PRAG1: variants seen among roughly 807,000 people sequenced by gnomAD.
PRAG1 encodes the protein inactive tyrosine-protein kinase PRAG1.
In PRAG1, 110 loss-of-function variants were observed where a neutral mutation model predicts 95.6. The ratio of observed to expected loss-of-function variants is 1.15; its 90% CI spans 0.99 to 1.35. The LOEUF (loss-of-function observed/expected upper bound fraction) is 1.35. PRAG1 is among the 40% of genes most tolerant of loss of function. The pLI, the probability that PRAG1 is intolerant of heterozygous loss-of-function variation, is 0.00. For missense variants in PRAG1, 2,554 were observed against 1,864.7 expected, an observed-to-expected ratio of 1.37 and a Z score of -6.81; for synonymous variants, 1,052 against 819.4, an observed-to-expected ratio of 1.28 and a Z score of -4.85.
Position 8,318,774 on chromosome 8 carries a change from G to C in PRAG1, c.3601C>G (p.Pro1201Ala), listed in dbSNP as rs1585211243. Reference sequence around the variant, plus strand: ...AGCTGCTTCTCCCGGGGCCCTTCCGGGGAGGCGGGGCCGGCTGCGGGGCTG... The same window carrying C: ...AGCTGCTTCTCCCGGGGCCCTTCCGCGGAGGCGGGGCCGGCTGCGGGGCTG... The part of the protein sequence containing the change: ...TLSPAAGPAS[P>A]EGPREKQLPR... The change falls in exon 6 of 6, where the codon CCG becomes GCG. Residue 1201 changes from proline to alanine, a missense_variant. Transcript: ENST00000615670. This position sits in a 1 kb window ranked among gnomAD's most constrained non-coding sequence, Gnocchi z 4.2. 1.9e-6 allele frequency: 3 copies of C among 1,559,706 alleles called. No homozygotes were observed. The highest frequency in any genetic ancestry group is 2.6e-6 in the Non-Finnish European group (3 of 1,152,266).
At chr8:8,346,498 G>C (rs945991713) in intron 3 of PRAG1, among the ~76,000 whole-genome samples, 1 of 152,198 alleles carries the variant, frequency 6.6e-6, no homozygotes, top group Non-Finnish European at 1.5e-5. Flanking sequence ...TTTGAGAATA[G>C]CTTTTCCCTC....
At chr8:8,378,103 G>C (rs1167435976) in intron 2 of PRAG1, 25 bp from the exon 3 acceptor site, 31 of 1,512,128 alleles carry the variant, frequency 2.1e-5, no homozygotes, top group Non-Finnish European at 2.7e-5. Flanking sequence ...AACGCAAAAA[G>C]ACTTATATTA....
chr8:8,382,075 A>G (rs1369007525), intron 1 of PRAG1, among the ~76,000 whole-genome samples: 1 of 151,846 alleles, frequency 6.6e-6, no homozygotes, highest in Non-Finnish European at 1.5e-5. Flanking sequence ...GGAGTAAATA[A>G]AAGACATTTC....
chr8:8,361,511 G>A (rs191029902), intron 3 of PRAG1, among the ~76,000 whole-genome samples: 1 of 152,126 alleles, frequency 6.6e-6, no homozygotes, highest in African/African-American at 2.4e-5. Flanking sequence ...ATCAGATGAG[G>A]CAATCTCTGA....
intron 3 of PRAG1, among the ~76,000 whole-genome samples, chr8:8,367,061 C>G (rs758144751): frequency 5.3e-5 from 8 of 152,094 alleles, no homozygotes; most frequent in Non-Finnish European, 1.2e-4. Flanking sequence ...CCCCCACCTC[C>G]CTACAACCTG....
intron 1 of PRAG1, among the ~76,000 whole-genome samples, chr8:8,384,269 C>A (rs924558109): frequency 2.0e-5 from 3 of 151,984 alleles, no homozygotes; most frequent in African/African-American, 7.3e-5. Context: ...GTATCAGAGG[C>A]CCTACTTTCT....
chr8:8,373,736 AG>A (rs1800290236), intron 3 of PRAG1, among the ~76,000 whole-genome samples: 1 of 152,216 alleles, frequency 6.6e-6, no homozygotes, highest in Admixed American at 6.5e-5. Context: ...TACAGGCATG[AG>A]CCACTAAGTC....
At chr8:8,379,113 A>G (rs980707504) in intron 2 of PRAG1, among the ~76,000 whole-genome samples, 7 of 147,518 alleles carry the variant, frequency 4.7e-5, no homozygotes, top group Non-Finnish European at 1.0e-4. Flanking sequence ...ACTGGATCAG[A>G]GTGAGGGGTG....
chr8:8,344,375 G>T (rs565804146), intron 3 of PRAG1, among the ~76,000 whole-genome samples: 10 of 152,098 alleles, frequency 6.6e-5, no homozygotes, highest in Non-Finnish European at 1.3e-4. Flanking sequence ...TTTACAAAAG[G>T]CTCAAGTAAA....
At chr8:8,384,608 C>CAAAAAAAA (rs11400182) in intron 1 of PRAG1, among the ~76,000 whole-genome samples, 1 of 92,464 alleles carries the variant, frequency 1.1e-5, no homozygotes, top group African/African-American at 4.3e-5. Context: ...CGCATGCAGC[C>CAAAAAAAA]AAAAAAAAAA....
intron 4 of PRAG1, 75 bp from the exon 5 acceptor site, chr8:8,328,536 CTTTAT>C (rs747000586): frequency 0.14 from 210,162 of 1,451,948 alleles, 17,168 homozygotes; most frequent in East Asian, 0.31. Flanking sequence ...ACTTGTTTCC[CTTTAT>C]TTATTTATTT....
intron 2 of PRAG1, among the ~76,000 whole-genome samples, chr8:8,379,948 C>T (rs1800575790): frequency 1.3e-5 from 2 of 152,110 alleles, no homozygotes; most frequent in African/African-American, 2.4e-5. Context: ...TGCTAATATT[C>T]TGAAGTGTGG....
At position 8,318,785 on chromosome 8, in the gene PRAG1, C is replaced by A; in HGVS notation, c.3590G>T (p.Gly1197Val). 1 of 1,504,372 alleles carries A rather than the reference C, an allele frequency of 6.6e-7. No individual in the cohort carries two copies. The highest frequency in any genetic ancestry group is 8.9e-7 in the Non-Finnish European group (1 of 1,122,530). The allele number at this position is 1,504,372 out of a possible 1,614,324, so 93.2% of individuals were successfully genotyped here. A position where few individuals can be genotyped will look rare whatever the true frequency, so the allele number is the denominator to read the frequency against. ...CCGGGGCCCTTCCGGGGAGGCGGGG[C>A]CGGCTGCGGGGCTGAGAGTGCCACC... ...PAGGTLSPAA[G>V]PASPEGPREK... is the part of the protein sequence containing the mutation. The change falls in exon 6 of 6, where the codon GGC (glycine) becomes GTC (valine). Residue 1197 changes from glycine (G) to valine (V), a missense_variant. Coordinates refer to ENST00000615670, the MANE Select transcript of PRAG1 (RefSeq NM_001080826.3). This position sits in a 1 kb window ranked among gnomAD's most constrained non-coding sequence, Gnocchi z 4.2.
chr8:8,364,844 T>C (rs550146096), intron 3 of PRAG1, among the ~76,000 whole-genome samples: 1 of 152,308 alleles, frequency 6.6e-6, no homozygotes, highest in South Asian at 2.1e-4. Context: ...GGATCTTCTC[T>C]ATTCTACATG....
chr8:8,370,062 A>C (rs574757945), intron 3 of PRAG1, among the ~76,000 whole-genome samples: 98 of 152,378 alleles, frequency 6.4e-4, no homozygotes, highest in Middle Eastern at 3.4e-3. Context: ...TTAAAGAAAG[A>C]ATCTCTAATT....
intron 3 of PRAG1, among the ~76,000 whole-genome samples, chr8:8,349,715 T>C (rs779845872): frequency 3.5e-4 from 54 of 152,254 alleles, no homozygotes; most frequent in Non-Finnish European, 6.0e-4. Flanking sequence ...CCCGCTGATT[T>C]ATTAGGATGC....
At chr8:8,378,153 G>A (rs1800498815) in intron 2 of PRAG1, 75 bp from the exon 3 acceptor site, 4 of 1,477,324 alleles carry the variant, frequency 2.7e-6, no homozygotes, top group East Asian at 2.3e-5. Flanking sequence ...AAAAGTGAGA[G>A]GGAAGGGCAA....
intron 4 of PRAG1, 52 bp from the exon 5 acceptor site, chr8:8,328,513 C>T (rs1798721732): frequency 1.9e-6 from 3 of 1,555,458 alleles, no homozygotes; most frequent in Non-Finnish European, 2.6e-6. Flanking sequence ...CACTCAATTC[C>T]AGGGTCCTGC....
intron 2 of PRAG1, among the ~76,000 whole-genome samples, chr8:8,380,852 C>CAAAAAAA: frequency 1.6e-5 from 1 of 64,448 alleles, no homozygotes; most frequent in Non-Finnish European, 3.0e-5. Context: ...GACTCCATCT[C>CAAAAAAA]AAAAAAAAAA....
Sources: allele counts gnomAD v4.1 joint callset (sites outside exome capture counted in the v4.1 genomes callset), GRCh38; gene constraint gnomAD v4.1.1; non-coding constraint Gnocchi (gnomAD v3.1); transcripts MANE v1.5; gene names NCBI Gene and HGNC (gene_info 2026-07-23, HGNC 2026-07-21).